B4GALT6: variants seen among roughly 807,000 people sequenced by gnomAD.
B4GALT6 encodes UDP-Gal:beta-GlcNAc beta-1,4-galactosyltransferase 6.
In B4GALT6, 14 loss-of-function variants were observed where a neutral mutation model predicts 46.3. That is an observed-to-expected ratio of 0.30 (90% CI 0.20 to 0.47). The LOEUF is 0.47. Ranked by LOEUF, B4GALT6 falls within the 20% of genes least tolerant of loss-of-function variation. The pLI, the probability that B4GALT6 is intolerant of heterozygous loss-of-function variation, is 0.99. For missense variants in B4GALT6, 386 were observed against 480.1 expected (o/e 0.80, Z 1.83); for synonymous variants, 168 against 162.0 (o/e 1.04, Z -0.28).
chr18:31,626,797 A>C (rs909486945), intron 7 of B4GALT6, among the ~76,000 whole-genome samples: 1 of 152,102 alleles, frequency 6.6e-6, no homozygotes, highest in Non-Finnish European at 1.5e-5. Flanking sequence ...AAAGTTGGGG[A>C]CCGCTGCTCT....
In B4GALT6 at chr18:31,623,609, CACAAATG is replaced by C. The variant is rs1249751748; in HGVS notation, c.*1998_*2004del. On this transcript the variant is annotated 3_prime_UTR_variant, in exon 9 of 9. Coordinates refer to ENST00000306851, the MANE Select transcript of B4GALT6 (RefSeq NM_004775.5). ...AATAGAAACAGAAAATGAACTAATA[CACAAATG>C]AAGTACAAATATCATAATTTTCAGA... The C allele has an allele frequency of 9.8e-5, 15 of 152,348 alleles. No individual in the cohort carries two copies. The highest frequency in any genetic ancestry group is 9.8e-4 in the Admixed American group (15 of 15,266). 9.4% of individuals were successfully genotyped at this position (152,348 alleles called of 1,614,324 possible). A position where few individuals can be genotyped will look rare whatever the true frequency, so the allele number is the denominator to read the frequency against.
chr18:31,634,717 T>C (rs1598872911), intron 5 of B4GALT6, among the ~76,000 whole-genome samples: 1 of 152,224 alleles, frequency 6.6e-6, no homozygotes, highest in East Asian at 1.9e-4. Context: ...TGCTTAGCAC[T>C]CCCTGGGTAC....
chr18:31,692,319 C>CA, the B4GALT6 span, among the ~76,000 whole-genome samples: 1 of 152,172 alleles, frequency 6.6e-6, no homozygotes, highest in Admixed American at 6.5e-5. Context: ...TTTATGCTCC[C>CA]ACCAGCAGCA....
Position 31,625,768 on chromosome 18 carries a change from T to G in B4GALT6, c.1002-7A>C, listed in dbSNP as rs1162077629. On this transcript the variant is annotated splice_polypyrimidine_tract_variant and splice_region_variant and intron_variant, in intron 8 of 8. Coordinates refer to ENST00000306851, the MANE Select transcript of B4GALT6 (RefSeq NM_004775.5). ...ATACCTTAGTAATTTATACCTATAG[T>G]TTTAGAGGAAAAAACAAAAAAGCAA... The G allele has an allele frequency of 1.3e-6, 2 of 1,567,314 alleles. No homozygotes were observed. The highest frequency in any genetic ancestry group is 8.6e-7 in the Non-Finnish European group (1 of 1,164,146).
chr18:31,629,288 G>T (rs1645551770), intron 6 of B4GALT6, among the ~76,000 whole-genome samples: 1 of 151,762 alleles, frequency 6.6e-6, no homozygotes, highest in Non-Finnish European at 1.5e-5. Context: ...GGTGGCTGGG[G>T]GAGGTGGTCA....
At position 31,645,468 on chromosome 18, in the gene B4GALT6, T is replaced by C; in HGVS notation, c.358A>G (p.Asn120Asp). The C allele has an allele frequency of 1.9e-6, 3 of 1,607,774 alleles. No individual in the cohort carries two copies. The highest frequency in any genetic ancestry group is 2.5e-6 in the Non-Finnish European group (3 of 1,178,608). ...EKLPYMRGFL[N>D]VNVSEVSFDE... Reference sequence around the variant, plus strand: ...AAACTGACTTCGCTTACATTGACATTGAGGAATCCTCCTACAAATTAAAAA... The same window carrying C: ...AAACTGACTTCGCTTACATTGACATCGAGGAATCCTCCTACAAATTAAAAA... Residue 120 changes from asparagine to aspartate, a missense_variant, in exon 4 of 9, where the codon AAT (asparagine) becomes GAT (aspartate). Transcript: ENST00000306851.
intron 2 of B4GALT6, among the ~76,000 whole-genome samples, chr18:31,660,013 C>T (rs988719222): frequency 2.1e-5 from 3 of 139,682 alleles, no homozygotes; most frequent in African/African-American, 5.5e-5. Context: ...AGTGCAGTGG[C>T]ATGATAATAG....
intron 5 of B4GALT6, among the ~76,000 whole-genome samples, chr18:31,638,204 A>T (rs1310359985): frequency 6.6e-6 from 1 of 152,268 alleles, no homozygotes; most frequent in East Asian, 1.9e-4. Context: ...ATATGGGCCC[A>T]ATCCAAAATG....
the B4GALT6 span, among the ~76,000 whole-genome samples, chr18:31,711,787 G>A: frequency 3.9e-5 from 6 of 152,196 alleles, no homozygotes; most frequent in Admixed American, 1.3e-4. Context: ...AAGTCTCAGG[G>A]CCTTTGAACA....
At chr18:31,629,447 A>ATTTTTTTTTTTTTAT (rs2073746913) in intron 6 of B4GALT6, among the ~76,000 whole-genome samples, 1 of 32,836 alleles carries the variant, frequency 3.0e-5, no homozygotes, top group African/African-American at 9.3e-5. Flanking sequence ...GCCCTTTATG[A>ATTTTTTTTTTTTTAT]TTTTTTTTTT....
the B4GALT6 span, among the ~76,000 whole-genome samples, chr18:31,710,506 G>A: frequency 6.6e-6 from 1 of 152,124 alleles, no homozygotes; most frequent in African/African-American, 2.4e-5. Context: ...AGAAGGCAAC[G>A]CGAAGACAGA....
intron 4 of B4GALT6, among the ~76,000 whole-genome samples, chr18:31,643,665 T>G (rs2073957070): frequency 6.6e-6 from 1 of 152,200 alleles, no homozygotes. Context: ...TTACAGTCAG[T>G]CTACTAATAT....
the B4GALT6 span, among the ~76,000 whole-genome samples, chr18:31,690,917 T>C: frequency 6.6e-6 from 1 of 152,082 alleles, no homozygotes; most frequent in Non-Finnish European, 1.5e-5. Context: ...AAACACCGCA[T>C]GTTCTCACTC....
intron 3 of B4GALT6, among the ~76,000 whole-genome samples, chr18:31,652,236 C>T (rs564070611): frequency 6.2e-4 from 95 of 152,306 alleles, no homozygotes; most frequent in African/African-American, 2.0e-3. Flanking sequence ...ACACTTCTGA[C>T]GCACTTCTCA....
chr18:31,641,839 T>A (rs1458946443), intron 4 of B4GALT6, among the ~76,000 whole-genome samples: 1 of 152,212 alleles, frequency 6.6e-6, no homozygotes, highest in African/African-American at 2.4e-5. Context: ...ATATACACCA[T>A]GAGGAGAACA....
intron 3 of B4GALT6, 139 bp from the exon 4 acceptor site, chr18:31,645,618 A>C (rs1288435004): frequency 8.2e-6 from 6 of 730,544 alleles, no homozygotes; most frequent in Middle Eastern, 7.4e-4. Context: ...CCACAAAATT[A>C]TGAATAGCGC....
In B4GALT6 at chr18:31,649,848, G is replaced by A. The variant is rs577621172; in HGVS notation, c.347-4369C>T. ...TTCAGCCACTGTGGAAAGCAGTTTGGAGATTTCTCAAAAAACATAAAACAG... is the reference window on the plus strand; with the variant it reads ...TTCAGCCACTGTGGAAAGCAGTTTGAAGATTTCTCAAAAAACATAAAACAG... On this transcript the variant is annotated intron_variant, in intron 3 of 8. Coordinates refer to ENST00000306851, the MANE Select transcript of B4GALT6 (RefSeq NM_004775.5). Among the ~76,000 whole-genome samples the A allele has an allele frequency of 2.6e-5, 4 of 152,284 alleles. No homozygotes were observed. The East Asian group carries it at 7.7e-4, about 29-fold the overall frequency.
chr18:31,642,568 T>C (rs1266616784), intron 4 of B4GALT6, among the ~76,000 whole-genome samples: 1 of 152,242 alleles, frequency 6.6e-6, no homozygotes, highest in Non-Finnish European at 1.5e-5. Flanking sequence ...TACACTTCAC[T>C]TTTAATGACC....
intron 6 of B4GALT6, 42 bp from the exon 7 acceptor site, chr18:31,627,163 T>A: frequency 6.5e-7 from 1 of 1,541,644 alleles, no homozygotes; most frequent in Non-Finnish European, 8.8e-7. Context: ...AAAATCATAA[T>A]AATTTCCCAT....
Sources: gnomAD v4.1 joint callset for allele counts (sites outside exome capture counted in the v4.1 genomes callset) on GRCh38, gnomAD v4.1.1 for gene constraint, MANE v1.5 for transcripts, NCBI Gene and HGNC (gene_info 2026-07-23, HGNC 2026-07-21) for gene names.